DERA: variants seen among roughly 807,000 people sequenced by gnomAD.
The protein encoded by DERA is 2-deoxy-D-ribose 5-phosphate aldolase.
DERA carries 15 observed loss-of-function variants against 41.1 expected under a neutral mutation model. That is an observed-to-expected ratio of 0.37 (90% CI 0.24 to 0.56). The LOEUF (loss-of-function observed/expected upper bound fraction) is 0.56. Among genes scored for constraint, DERA ranks in the 20% least tolerant of loss-of-function variants. The probability of loss-of-function intolerance (pLI) is 0.81; values close to 1 mark genes in which losing one functional copy is unlikely to be tolerated. For synonymous variants in DERA, 139 were observed against 137.4 expected (o/e 1.01, Z -0.08); for missense variants, 396 against 403.4 (o/e 0.98, Z 0.16).
In DERA at chr12:15,995,346, T is replaced by C. The variant is rs1185957378; in HGVS notation, c.637+12910T>C. 1.3e-5 allele frequency among the ~76,000 whole-genome samples: 2 copies of C among 152,180 alleles called. No homozygotes were observed. The highest frequency in any genetic ancestry group is 2.9e-5 in the Non-Finnish European group (2 of 68,020). On this transcript the variant is annotated intron_variant, in intron 6 of 8. Coordinates refer to ENST00000428559, the MANE Select transcript of DERA (RefSeq NM_015954.4). This position sits in a 1 kb window ranked among gnomAD's most constrained non-coding sequence, Gnocchi z 5.1. ...CAAGCCCGGGGCCACCTGCCTATGA[T>C]TGGCCCACAGTAACTCCTTGTTGAA...
intron 5 of DERA, among the ~76,000 whole-genome samples, chr12:15,978,978 G>T (rs1294043143): frequency 2.0e-5 from 3 of 152,120 alleles, no homozygotes; most frequent in African/African-American, 7.2e-5. Flanking sequence ...GAGGAACATG[G>T]GACAGGTTTA....
At position 15,967,580 on chromosome 12, in the gene DERA, C is replaced by T. The variant is rs1226671263; in HGVS notation, c.508+4633C>T. ...CAGAATACAGTGATGCTTTCAGGGG[C>T]CAGTGGAATCTCTGAGATGATTGGC... On this transcript the variant is annotated intron_variant, in intron 5 of 8. Transcript: ENST00000428559. This position sits in a 1 kb window ranked among gnomAD's most constrained non-coding sequence, Gnocchi z 4.9. 6.6e-6 allele frequency among the ~76,000 whole-genome samples: 1 copy of T among 152,166 alleles called. No individual in the cohort carries two copies. The highest frequency in any genetic ancestry group is 1.5e-5 in the Non-Finnish European group (1 of 68,028).
chr12:16,023,498 G>C (rs1316507092), intron 6 of DERA, among the ~76,000 whole-genome samples: 1 of 103,696 alleles, frequency 9.6e-6, no homozygotes, highest in Admixed American at 1.1e-4. Flanking sequence ...TTTTTTTTGA[G>C]ACGGAGTCTC....
chr12:16,035,786 A>T lies in DERA; in HGVS notation c.751-446A>T, dbSNP rs1235459914. 6.6e-6 allele frequency among the ~76,000 whole-genome samples: 1 copy of T among 152,186 alleles called. No homozygotes were observed. The highest frequency in any genetic ancestry group is 2.4e-5 in the African/African-American group (1 of 41,436). On this transcript the variant is annotated intron_variant, in intron 7 of 8. Transcript: ENST00000428559. The surrounding 1 kb of genome is among the most constrained non-coding windows in gnomAD (Gnocchi z 4.1). Reference sequence around the variant, plus strand: ...CTTGCTGATTCTGTCCTTTGATTTTAAATGCACGTGTCTTTTGAACCTCAA... The same window carrying T: ...CTTGCTGATTCTGTCCTTTGATTTTTAATGCACGTGTCTTTTGAACCTCAA...
rs1948821298 is a variant in DERA at position 15,994,197 on chromosome 12, A to T, written c.637+11761A>T. Among the ~76,000 whole-genome samples, 1 of 152,236 alleles carries T rather than the reference A, an allele frequency of 6.6e-6. No homozygotes were observed. Among genetic ancestry groups the T allele is most frequent in the Non-Finnish European group, 1.5e-5 (1 of 68,032 alleles). ...TACATGCTTGCTGATAGATTCAGGT[A>T]TCACACATATGAGTACAGTGGCATC... On this transcript the variant is annotated intron_variant, in intron 6 of 8. Coordinates refer to ENST00000428559, the MANE Select transcript of DERA (RefSeq NM_015954.4). The surrounding 1 kb of genome is among the most constrained non-coding windows in gnomAD (Gnocchi z 4.8).
intron 5 of DERA, among the ~76,000 whole-genome samples, chr12:15,978,585 A>G (rs1948714028): frequency 6.6e-6 from 1 of 152,220 alleles, no homozygotes; most frequent in Non-Finnish European, 1.5e-5. Context: ...CAAGTAGCAA[A>G]AATGTCTTAT....
rs2136155779 is a variant in DERA at position 15,972,262 on chromosome 12, G to T, written c.508+9315G>T. 2 of 159,814 alleles carry T rather than the reference G, an allele frequency of 1.3e-5. No individual in the cohort carries two copies. Among genetic ancestry groups the T allele is most frequent in the South Asian group, 3.3e-4 (2 of 6,152 alleles). 9.9% of individuals were successfully genotyped at this position (159,814 alleles called of 1,614,324 possible). On this transcript the variant is annotated intron_variant, in intron 5 of 8. Coordinates refer to ENST00000428559, the MANE Select transcript of DERA (RefSeq NM_015954.4). The surrounding 1 kb of genome is among the most constrained non-coding windows in gnomAD (Gnocchi z 4.4). Reference sequence around the variant, plus strand: ...CCACCATTGCCTTGGACCTCTCCTTGACATAGTATTTTCCCAGTGGCTCCT... The same window carrying T: ...CCACCATTGCCTTGGACCTCTCCTTTACATAGTATTTTCCCAGTGGCTCCT...
At chr12:16,024,040 G>A (rs57853175) in intron 6 of DERA, among the ~76,000 whole-genome samples, 11,632 of 152,154 alleles carry the variant, frequency 0.076, 1,310 homozygotes, top group African/African-American at 0.24. Flanking sequence ...GCTGGAAACT[G>A]CTGAGGAAAA....
chr12:15,929,981 T>C (rs1948315639), intron 1 of DERA, among the ~76,000 whole-genome samples: 1 of 152,168 alleles, frequency 6.6e-6, no homozygotes, highest in Non-Finnish European at 1.5e-5. Context: ...AAATCCTGGT[T>C]CTTCTACCTA....
chr12:16,006,578 G>A lies in DERA; in HGVS notation c.637+24142G>A, dbSNP rs368741608. Among the ~76,000 whole-genome samples, 631 of 152,196 alleles carry A rather than the reference G, an allele frequency of 4.1e-3. 5 individuals are homozygous for A. The highest frequency in any genetic ancestry group is 0.014 in the African/African-American group (582 of 41,514). On this transcript the variant is annotated intron_variant, in intron 6 of 8. Coordinates refer to ENST00000428559, the MANE Select transcript of DERA (RefSeq NM_015954.4). ...GAAACCTCATTCATTTCCACACGTC[G>A]TACCCGACATGAATTCCTAACCTGT...
chr12:15,963,903 T>C (rs1948605755), intron 5 of DERA, among the ~76,000 whole-genome samples: 1 of 152,188 alleles, frequency 6.6e-6, no homozygotes, highest in Admixed American at 6.5e-5. Flanking sequence ...TATGTCTATT[T>C]GTGAAGCCTA....
chr12:16,034,337 T>C (rs1456887761), intron 7 of DERA, among the ~76,000 whole-genome samples: 1 of 152,230 alleles, frequency 6.6e-6, no homozygotes, highest in Non-Finnish European at 1.5e-5. Context: ...AAGCAAAGAA[T>C]GTCAATGAAA....
intron 1 of DERA, among the ~76,000 whole-genome samples, chr12:15,950,740 A>G (rs1263904237): frequency 1.3e-5 from 2 of 152,008 alleles, no homozygotes; most frequent in Admixed American, 1.3e-4. Flanking sequence ...TACATTCTCC[A>G]TTTTCTTACC....
At position 15,985,899 on chromosome 12, in the gene DERA, T is replaced by C. The variant is rs557350845; in HGVS notation, c.637+3463T>C. 2.0e-4 allele frequency among the ~76,000 whole-genome samples: 31 copies of C among 152,272 alleles called. No individual in the cohort carries two copies. Among genetic ancestry groups the C allele is most frequent in the African/African-American group, 7.5e-4 (31 of 41,568 alleles). Reference sequence around the variant, plus strand: ...GGTTGATAATGTTTTTCAGATCTAGTTTTGTTTTCTTTTTGGTCTACTGGT... The same window carrying C: ...GGTTGATAATGTTTTTCAGATCTAGCTTTGTTTTCTTTTTGGTCTACTGGT... On this transcript the variant is annotated intron_variant, in intron 6 of 8. Transcript: ENST00000428559. This position sits in a 1 kb window ranked among gnomAD's most constrained non-coding sequence, Gnocchi z 4.2.
rs539500785 is a variant in DERA, at chr12:16,001,084, A to G, written c.637+18648A>G. 7.9e-5 allele frequency among the ~76,000 whole-genome samples: 12 copies of G among 152,304 alleles called. No individual in the cohort carries two copies. The South Asian group carries it at 1.5e-3, about 18-fold the overall frequency. On this transcript the variant is annotated intron_variant, in intron 6 of 8. Coordinates refer to ENST00000428559, the MANE Select transcript of DERA (RefSeq NM_015954.4). The surrounding 1 kb of genome is among the most constrained non-coding windows in gnomAD (Gnocchi z 4.1). ...CTGGAGTTATTTTTGAAGTACATCT[A>G]TCATTTTCATTTTCTGTCCATAAAC... is the stretch of plus-strand genomic sequence containing the variant.
chr12:15,927,828 T>A lies in DERA; in HGVS notation c.31+16414T>A, dbSNP rs185777635. ...TCTGTCTTTTTTAAAATGCTTTTTT[T>A]AAAAATTAGGAATTCAAAATATAAT... is the stretch of plus-strand genomic sequence containing the variant. On this transcript the variant is annotated intron_variant, in intron 1 of 8. Transcript: ENST00000428559. Among the ~76,000 whole-genome samples, 1,051 of 152,310 alleles carry A rather than the reference T, an allele frequency of 6.9e-3. 15 individuals are homozygous for A. Among genetic ancestry groups the A allele is most frequent in the African/African-American group, 0.024 (1,009 of 41,558 alleles).
intron 5 of DERA, among the ~76,000 whole-genome samples, chr12:15,974,995 T>C (rs1392646861): frequency 6.6e-6 from 1 of 152,162 alleles, no homozygotes; most frequent in African/African-American, 2.4e-5. Flanking sequence ...TTACCATCAT[T>C]ATTTATTTTG....
rs1421859407 is a variant in DERA at position 15,922,934 on chromosome 12, C to T, written c.31+11520C>T. ...GAGGCTATGCATGTGTGGGGCAAAG[C>T]TTGTGTGGGAAATCTCTGTACCTTC... On this transcript the variant is annotated intron_variant, in intron 1 of 8. Coordinates refer to ENST00000428559, the MANE Select transcript of DERA (RefSeq NM_015954.4). The surrounding 1 kb of genome is among the most constrained non-coding windows in gnomAD (Gnocchi z 4.9). Among the ~76,000 whole-genome samples, 2 of 150,988 alleles carry T rather than the reference C, an allele frequency of 1.3e-5. No individual in the cohort carries two copies. Among genetic ancestry groups the T allele is most frequent in the Admixed American group, 1.3e-4 (2 of 15,176 alleles).
At position 16,000,854 on chromosome 12, in the gene DERA, T is replaced by G. The variant is rs568805405; in HGVS notation, c.637+18418T>G. ...TAGTTGCATCCATCAGATGTTGAGT[T>G]TTTTTTTACTAGGATTGTAGAGTAG... On this transcript the variant is annotated intron_variant, in intron 6 of 8. Transcript: ENST00000428559. This position sits in a 1 kb window ranked among gnomAD's most constrained non-coding sequence, Gnocchi z 4.8. 0.091 allele frequency among the ~76,000 whole-genome samples: 13,821 copies of G among 152,180 alleles called. 985 individuals carry two copies. The highest frequency in any genetic ancestry group is 0.24 in the Admixed American group (3,662 of 15,274).
Sources: allele counts gnomAD v4.1 joint callset (sites outside exome capture counted in the v4.1 genomes callset), GRCh38; gene constraint gnomAD v4.1.1; non-coding constraint Gnocchi (gnomAD v3.1); transcripts MANE v1.5; gene names NCBI Gene and HGNC (gene_info 2026-07-23, HGNC 2026-07-21).